Variants in SORCS1 observed in about 807,000 individuals in gnomAD.
SORCS1 encodes the protein VPS10 domain-containing receptor SorCS1.
SORCS1 carries 60 observed loss-of-function variants against 146.1 expected under a neutral mutation model. The observed-to-expected ratio is 0.41, with a 90% CI of 0.33 to 0.51. The LOEUF (loss-of-function observed/expected upper bound fraction) is 0.51. Ranked by LOEUF, SORCS1 falls within the 20% of genes least tolerant of loss-of-function variation. The pLI is 0.21. For synonymous variants in SORCS1, 637 were observed against 584.0 expected, an observed-to-expected ratio of 1.09 and a Z score of -1.31; for missense variants, 1,352 against 1,487.6, an observed-to-expected ratio of 0.91 and a Z score of 1.50.
chr10:106,652,634 C>T, intron 17 of SORCS1, 81 bp from the exon 18 acceptor site: 1 of 1,520,878 alleles, frequency 6.6e-7, no homozygotes, highest in Non-Finnish European at 9.0e-7. Context: ...GACATAGTGC[C>T]TAGCCCTGAG....
At chr10:106,843,817 A>G (rs182441748) in intron 2 of SORCS1, among the ~76,000 whole-genome samples, 1 of 152,182 alleles carries the variant, frequency 6.6e-6, no homozygotes, top group Non-Finnish European at 1.5e-5. Context: ...TCAGACACTT[A>G]GGTTGTTTCC....
chr10:106,870,334 T>C (rs1026272439), intron 2 of SORCS1, among the ~76,000 whole-genome samples: 9 of 152,238 alleles, frequency 5.9e-5, no homozygotes, highest in Middle Eastern at 3.4e-3. Flanking sequence ...TAGAAAAAAC[T>C]ATTTTAAAAT....
rs1957906240 is a variant in SORCS1 at position 107,016,550 on chromosome 10, T to C, written c.559-59970A>G. On this transcript the variant is annotated intron_variant, in intron 1 of 25. Coordinates refer to ENST00000263054, the MANE Select transcript of SORCS1 (RefSeq NM_052918.5). The stretch of plus-strand genomic sequence containing the variant: ...ATTATAGGTCGATTGTACATTTAAA[T>C]GTGTAAGGCAACACAATGAGATTTC... Among the ~76,000 whole-genome samples the C allele has an allele frequency of 2.6e-5, 4 of 152,296 alleles. No homozygotes were observed. In the South Asian group the frequency reaches 8.3e-4, roughly 32 times the overall value.
At chr10:106,749,819 C>A (rs1289789754) in intron 5 of SORCS1, among the ~76,000 whole-genome samples, 1 of 152,144 alleles carries the variant, frequency 6.6e-6, no homozygotes, top group Non-Finnish European at 1.5e-5. Context: ...TCATTTTAAT[C>A]CTTACAATGA....
chr10:106,701,552 G>A (rs1171957761), intron 8 of SORCS1, among the ~76,000 whole-genome samples: 2 of 152,166 alleles, frequency 1.3e-5, no homozygotes, highest in African/African-American at 4.8e-5. Flanking sequence ...ATATATCTTG[G>A]AGGTAAAGGA....
rs542677068 is a variant in SORCS1, at chr10:106,889,365, A to G, written c.627-59692T>C. Reference sequence around the variant, plus strand: ...CCCAAATGTGCTCCACTGACCAGCAACAATGGCGTCACCTGGGAGCTCATT... The same window carrying G: ...CCCAAATGTGCTCCACTGACCAGCAGCAATGGCGTCACCTGGGAGCTCATT... On this transcript the variant is annotated intron_variant, in intron 2 of 25. Transcript: ENST00000263054. Among the ~76,000 whole-genome samples, 4 of 152,322 alleles carry G rather than the reference A, an allele frequency of 2.6e-5. No homozygotes were observed. In the East Asian group the frequency reaches 7.7e-4, roughly 29 times the overall value.
chr10:106,750,586 A>G (rs543893836), intron 5 of SORCS1, among the ~76,000 whole-genome samples: 20 of 148,816 alleles, frequency 1.3e-4, no homozygotes, highest in Non-Finnish European at 2.2e-4. Flanking sequence ...AAAATTAGCC[A>G]GGCTTGGTGG....
At chr10:106,792,659 C>T (rs903621773) in intron 3 of SORCS1, among the ~76,000 whole-genome samples, 4 of 152,298 alleles carry the variant, frequency 2.6e-5, no homozygotes, top group African/African-American at 4.8e-5. Context: ...TTCGTAAGCA[C>T]GGGCTTATAG....
intron 4 of SORCS1, among the ~76,000 whole-genome samples, chr10:106,765,022 C>CAAAAAAAAAAAAAAAAAAAAAAAAA: frequency 1.4e-5 from 1 of 73,278 alleles, no homozygotes; most frequent in Non-Finnish European, 2.6e-5. Flanking sequence ...GACACTGTCT[C>CAAAAAAAAAAAAAAAAAAAAAAAAA]AAAAAAAAAA....
chr10:107,128,186 A>G (rs1329412790), intron 1 of SORCS1, among the ~76,000 whole-genome samples: 1 of 152,256 alleles, frequency 6.6e-6, no homozygotes, highest in Non-Finnish European at 1.5e-5. Context: ...AAATTTAAGT[A>G]ATCCTTTTCT....
intron 1 of SORCS1, among the ~76,000 whole-genome samples, chr10:107,041,311 T>G (rs550530981): frequency 5.3e-5 from 8 of 152,134 alleles, no homozygotes; most frequent in African/African-American, 1.9e-4. Context: ...GTTGTCTATC[T>G]CTGCTACTTT....
At chr10:107,149,676 C>T (rs1968612463) in intron 1 of SORCS1, among the ~76,000 whole-genome samples, 1 of 152,174 alleles carries the variant, frequency 6.6e-6, no homozygotes, top group Non-Finnish European at 1.5e-5. Flanking sequence ...AGCAATTTAT[C>T]TCTGAGAAAA....
At chr10:106,865,251 G>A (rs1950185908) in intron 2 of SORCS1, among the ~76,000 whole-genome samples, 2 of 152,148 alleles carry the variant, frequency 1.3e-5, no homozygotes, top group Admixed American at 1.3e-4. Flanking sequence ...TCCTACAGGT[G>A]CATTTGAGCT....
intron 4 of SORCS1, 125 bp from the exon 5 acceptor site, chr10:106,761,786 A>T: frequency 2.6e-6 from 2 of 768,082 alleles, no homozygotes; most frequent in South Asian, 1.6e-5. Flanking sequence ...GCCATATACA[A>T]GGTGAGTGCT....
At chr10:106,928,059 C>T (rs1281240964) in intron 2 of SORCS1, among the ~76,000 whole-genome samples, 1 of 152,260 alleles carries the variant, frequency 6.6e-6, no homozygotes, top group African/African-American at 2.4e-5. Context: ...GGATCCCGCA[C>T]CGGCGCTGCA....
intron 5 of SORCS1, among the ~76,000 whole-genome samples, chr10:106,757,489 G>T (rs1858739304): frequency 1.3e-5 from 2 of 152,168 alleles, no homozygotes; most frequent in African/African-American, 4.8e-5. Context: ...AATAAATATT[G>T]CTTTGATTGA....
At chr10:107,040,132 G>A (rs1959090120) in intron 1 of SORCS1, among the ~76,000 whole-genome samples, 1 of 152,214 alleles carries the variant, frequency 6.6e-6, no homozygotes, top group Middle Eastern at 3.4e-3. Flanking sequence ...ATCCTTCCAG[G>A]ATTCCCAAGT....
chr10:107,155,571 G>A (rs991726094), intron 1 of SORCS1, among the ~76,000 whole-genome samples: 1 of 152,118 alleles, frequency 6.6e-6, no homozygotes. Flanking sequence ...TCTAAACCAG[G>A]GTGCTGAATG....
chr10:107,169,532 A>G (rs191506515), upstream of SORCS1, among the ~76,000 whole-genome samples: 6 of 152,312 alleles, frequency 3.9e-5, no homozygotes, highest in Admixed American at 3.9e-4. Flanking sequence ...TACCTAACTC[A>G]TAAGGATGTT....
Sources: allele counts gnomAD v4.1 joint callset (sites outside exome capture counted in the v4.1 genomes callset), GRCh38; gene constraint gnomAD v4.1.1; transcripts MANE v1.5; gene names NCBI Gene and HGNC (gene_info 2026-07-23, HGNC 2026-07-21).